Variants in UNKL observed in about 807,000 individuals in gnomAD.
UNKL encodes unk like zinc finger, also known as putative E3 ubiquitin-protein ligase UNKL.
Under a neutral mutation model 78.0 loss-of-function variants are expected in UNKL, and 60 were observed. That is an observed-to-expected ratio of 0.77 (90% CI 0.63 to 0.95). The LOEUF (loss-of-function observed/expected upper bound fraction) is 0.95. UNKL is among the 40% of genes least tolerant of loss of function. The probability of loss-of-function intolerance (pLI) is 0.00; values close to 1 mark genes in which losing one functional copy is unlikely to be tolerated. For synonymous variants in UNKL, 608 were observed against 474.8 expected, an observed-to-expected ratio of 1.28 and a Z score of -3.65; for missense variants, 1,159 against 1,045.7, an observed-to-expected ratio of 1.11 and a Z score of -1.49.
chr16:1,399,269 C>A lies in UNKL; in HGVS notation c.734+105G>T. 1 of 1,422,798 alleles carries A rather than the reference C, an allele frequency of 7.0e-7. No individual in the cohort carries two copies. The highest frequency in any genetic ancestry group is 9.2e-7 in the Non-Finnish European group (1 of 1,088,756). 88.1% of individuals were successfully genotyped at this position (1,422,798 alleles called of 1,614,324 possible). ...TCCCCTCCCGGGGATGATGGTGCCACAAGGGCAGCCCTCCCATTAGAACCC... is the reference window on the plus strand; with the variant it reads ...TCCCCTCCCGGGGATGATGGTGCCAAAAGGGCAGCCCTCCCATTAGAACCC... On this transcript the variant is annotated intron_variant, in intron 5 of 14. Coordinates refer to ENST00000389221, the MANE Select transcript of UNKL (RefSeq NM_001372107.1). The surrounding 1 kb of genome is among the most constrained non-coding windows in gnomAD (Gnocchi z 5.8).
rs1374397523 is a variant in UNKL at position 1,363,407 on chromosome 16, A to G, written c.*2833T>C. ...AACATTCTCATGTAAATACTCAAAC[A>G]TACAGATTGAGGCTTCCAGAAATTA... On this transcript the variant is annotated 3_prime_UTR_variant, in exon 15 of 15. Coordinates refer to ENST00000389221, the MANE Select transcript of UNKL (RefSeq NM_001372107.1). 4 of 376,186 alleles carry G rather than the reference A, an allele frequency of 1.1e-5. No individual in the cohort carries two copies. Among genetic ancestry groups the G allele is most frequent in the Non-Finnish European group, 2.0e-5 (4 of 196,678 alleles). 23.3% of individuals were successfully genotyped at this position (376,186 alleles called of 1,614,324 possible). A position where few individuals can be genotyped will look rare whatever the true frequency, so the allele number is the denominator to read the frequency against.
intron 2 of UNKL, among the ~76,000 whole-genome samples, chr16:1,409,142 G>A (rs543048032): frequency 3.9e-5 from 6 of 152,060 alleles, no homozygotes; most frequent in Non-Finnish European, 1.5e-5. Context: ...TCGATCTCCC[G>A]ACCTCGTGAT....
At chr16:1,399,000 TGAG>T (rs1391020002) in intron 5 of UNKL, 1 of 1,468,158 alleles carries the variant, frequency 6.8e-7, no homozygotes, top group Admixed American at 2.3e-5. Context: ...GCAGCTTGGG[TGAG>T]GAGACAGCAT....
At chr16:1,406,727 A>G (rs2037780639) in intron 2 of UNKL, among the ~76,000 whole-genome samples, 1 of 152,220 alleles carries the variant, frequency 6.6e-6, no homozygotes, top group South Asian at 2.1e-4. Flanking sequence ...TCATGAGATC[A>G]GTTTAAACAG....
chr16:1,379,385 A>G, intron 10 of UNKL: 1 of 767,494 alleles, frequency 1.3e-6, no homozygotes, highest in African/African-American at 1.9e-5. Flanking sequence ...TAGGGGACGC[A>G]GGCGGCCCGA....
chr16:1,403,068 T>A lies in UNKL; in HGVS notation c.464+100A>T. On this transcript the variant is annotated intron_variant, in intron 3 of 14. Transcript: ENST00000389221. The surrounding 1 kb of genome is among the most constrained non-coding windows in gnomAD (Gnocchi z 4.8). ...GAGAGAGATTTGGGCCAGCAGAGCCTGCAGCAGCAGGGAGGCGAGCCACTT... is the reference window on the plus strand; with the variant it reads ...GAGAGAGATTTGGGCCAGCAGAGCCAGCAGCAGCAGGGAGGCGAGCCACTT... 7.3e-7 allele frequency: 1 copy of A among 1,371,940 alleles called. No homozygotes were observed. Among genetic ancestry groups the A allele is most frequent in the South Asian group, 1.4e-5 (1 of 69,462 alleles). The allele number at this position is 1,371,940 out of a possible 1,614,324, so 85.0% of individuals were successfully genotyped here.
intron 5 of UNKL, chr16:1,398,339 T>C: frequency 2.0e-6 from 2 of 1,012,872 alleles, no homozygotes; most frequent in Non-Finnish European, 2.4e-6. Context: ...AACTGATTTG[T>C]ATTTATGGGA....
chr16:1,398,681 A>AGGCCCCCCCCCCCCC, intron 5 of UNKL: 4 of 694,282 alleles, frequency 5.8e-6, no homozygotes, highest in Non-Finnish European at 7.7e-6. Context: ...TGGGGTCTGC[A>AGGCCCCCCCCCCCCC]CCCCCCCACC....
chr16:1,378,956 C>T (rs1219164070), intron 10 of UNKL: 3 of 152,326 alleles, frequency 2.0e-5, no homozygotes, highest in Non-Finnish European at 4.4e-5. Flanking sequence ...GAAACATTCT[C>T]AAAGAAAGAG....
chr16:1,365,832 C>G lies in UNKL; in HGVS notation c.*408G>C, dbSNP rs1306710788. ...AGCAGCTTAGAGCAATTTATAACCTCTAACTAAATTCCTCGGTTTACAAAG... is the reference window on the plus strand; with the variant it reads ...AGCAGCTTAGAGCAATTTATAACCTGTAACTAAATTCCTCGGTTTACAAAG... On this transcript the variant is annotated 3_prime_UTR_variant, in exon 15 of 15. Coordinates refer to ENST00000389221, the MANE Select transcript of UNKL (RefSeq NM_001372107.1). 1 of 163,686 alleles carries G rather than the reference C, an allele frequency of 6.1e-6. No individual in the cohort carries two copies. Among genetic ancestry groups the G allele is most frequent in the African/African-American group, 2.4e-5 (1 of 41,872 alleles). The allele number at this position is 163,686 out of a possible 1,614,324, so 10.1% of individuals were successfully genotyped here.
chr16:1,385,514 C>G, intron 9 of UNKL, 129 bp from the exon 10 acceptor site: 1 of 972,158 alleles, frequency 1.0e-6, no homozygotes, highest in Non-Finnish European at 1.3e-6. Flanking sequence ...CCAGGGAGAG[C>G]TTCCCAGACC....
At chr16:1,366,878 G>A (rs541392238) in intron 14 of UNKL, among the ~76,000 whole-genome samples, 17 of 40,846 alleles carry the variant, frequency 4.2e-4, no homozygotes, top group African/African-American at 1.1e-3. Flanking sequence ...AAGGGCAAGG[G>A]CCAGCCTGAC....
chr16:1,389,633 GGGCCCTACGCAGCCAC>G (rs2036961137), intron 9 of UNKL, among the ~76,000 whole-genome samples: 2 of 152,156 alleles, frequency 1.3e-5, no homozygotes, highest in Non-Finnish European at 2.9e-5. Context: ...TGTGGGGGCA[GGGCCCTACGCAGCCAC>G]TGTCCTCAGG....
At chr16:1,413,243 CAAAAAAAAAAAAAAAAAAAAAAAAAAAA>C (rs546295462) in intron 2 of UNKL, among the ~76,000 whole-genome samples, 1 of 71,648 alleles carries the variant, frequency 1.4e-5, no homozygotes, top group African/African-American at 5.6e-5. Context: ...GACCCTGTCT[CAAAAAAAAAAAAAAAAAAAAAAAAAAAA>C]AAAAAAAAAA....
rs1326703138 is a variant in UNKL at position 1,370,188 on chromosome 16, T to G, written c.1527A>C (p.Pro509=). Residue 509 remains proline (P), a synonymous_variant, in exon 12 of 15, where the codon CCA becomes CCC. Transcript: ENST00000389221. Reference sequence around the variant, plus strand: ...GTGTGCCCGGCTCTGAACGCAGGGGTGGCGGCTGCTGGGGAGGCGTCATGG... The same window carrying G: ...GTGTGCCCGGCTCTGAACGCAGGGGGGGCGGCTGCTGGGGAGGCGTCATGG... ...SSAMTPPQQP[P]PLRSEPGTLG... is the part of the protein sequence containing the mutation. The G allele has an allele frequency of 2.0e-6, 3 of 1,518,028 alleles. No homozygotes were observed. The highest frequency in any genetic ancestry group is 2.7e-6 in the Non-Finnish European group (3 of 1,129,040). The allele number at this position is 1,518,028 out of a possible 1,614,324, so 94.0% of individuals were successfully genotyped here. A position where few individuals can be genotyped will look rare whatever the true frequency, so the allele number is the denominator to read the frequency against.
intron 2 of UNKL, among the ~76,000 whole-genome samples, chr16:1,412,432 G>A (rs562210383): frequency 2.6e-5 from 4 of 152,016 alleles, no homozygotes; most frequent in East Asian, 2.0e-4. Context: ...CCAACATGGC[G>A]AAACCTCAAC....
intron 11 of UNKL, 107 bp downstream of exon 11, chr16:1,371,412 C>T (rs953754754): frequency 9.2e-7 from 1 of 1,087,256 alleles, no homozygotes; most frequent in Admixed American, 2.1e-5. Flanking sequence ...GGTGCAACCT[C>T]AGCTCACTGC....
At chr16:1,376,067 C>T (rs1026813050) in intron 10 of UNKL, among the ~76,000 whole-genome samples, 1 of 151,798 alleles carries the variant, frequency 6.6e-6, no homozygotes, top group African/African-American at 2.4e-5. Flanking sequence ...AGGGCCTCTT[C>T]CCTCCTCCCT....
intron 6 of UNKL, chr16:1,396,956 C>CCAAG: frequency 1.8e-6 from 1 of 562,832 alleles, no homozygotes; most frequent in Non-Finnish European, 3.2e-6. Context: ...CTGTTACAGG[C>CCAAG]CAAGTGGAGA....
Sources: gnomAD v4.1 joint callset for allele counts (sites outside exome capture counted in the v4.1 genomes callset) on GRCh38, gnomAD v4.1.1 for gene constraint, Gnocchi (gnomAD v3.1) non-coding constraint, MANE v1.5 for transcripts, NCBI Gene and HGNC (gene_info 2026-07-23, HGNC 2026-07-21) for gene names.